GRID2: variants seen among roughly 807,000 people sequenced by gnomAD.
The protein encoded by GRID2 is glutamate receptor ionotropic, delta-2.
Under a neutral mutation model 114.8 loss-of-function variants are expected in GRID2, and 33 were observed. The ratio of observed to expected loss-of-function variants is 0.29; its 90% CI spans 0.22 to 0.38. GRID2 has a LOEUF of 0.38. Among genes scored for constraint, GRID2 ranks in the 10% least tolerant of loss-of-function variants. The probability of loss-of-function intolerance (pLI) is 1.00; values close to 1 mark genes in which losing one functional copy is unlikely to be tolerated. For synonymous variants in GRID2, 505 were observed against 449.9 expected, an observed-to-expected ratio of 1.12 and a Z score of -1.55; for missense variants, 1,184 against 1,257.7, an observed-to-expected ratio of 0.94 and a Z score of 0.89.
chr4:93,318,761 A>C (rs1440045413), intron 8 of GRID2: 6 of 152,192 alleles, frequency 3.9e-5, no homozygotes, highest in African/African-American at 1.2e-4. Flanking sequence ...TCTGTTGTCC[A>C]GGCTTATGCC....
At chr4:93,300,998 G>A (rs1352948514) in intron 8 of GRID2, among the ~76,000 whole-genome samples, 1 of 152,198 alleles carries the variant, frequency 6.6e-6, no homozygotes, top group African/African-American at 2.4e-5. Context: ...TAACTACTGG[G>A]TTTAGGCCAG....
intron 8 of GRID2, among the ~76,000 whole-genome samples, chr4:93,268,528 G>A (rs1751102890): frequency 6.6e-6 from 1 of 152,110 alleles, no homozygotes; most frequent in South Asian, 2.1e-4. Flanking sequence ...ATAAATTCAA[G>A]CCTTTATAGG....
chr4:93,272,500 G>A (rs1317378067), intron 8 of GRID2, among the ~76,000 whole-genome samples: 2 of 152,122 alleles, frequency 1.3e-5, no homozygotes, highest in African/African-American at 4.8e-5. Flanking sequence ...GGTAGGAGAT[G>A]ATGCTCTAGC....
At chr4:93,190,509 T>C (rs899698536) in intron 4 of GRID2, among the ~76,000 whole-genome samples, 2 of 152,148 alleles carry the variant, frequency 1.3e-5, no homozygotes, top group African/African-American at 4.8e-5. Flanking sequence ...AGCAAATATT[T>C]GAGGTGTTTC....
At chr4:93,156,336 T>G (rs368368149) in intron 4 of GRID2, among the ~76,000 whole-genome samples, 2 of 151,748 alleles carry the variant, frequency 1.3e-5, no homozygotes, top group African/African-American at 4.8e-5. Flanking sequence ...AGTAAAAGAT[T>G]TTGTTAGCAA....
rs183949201 is a variant in GRID2, at chr4:92,713,310, C to T, written c.244+123024C>T. On this transcript the variant is annotated intron_variant, in intron 2 of 15. Coordinates refer to ENST00000282020, the MANE Select transcript of GRID2 (RefSeq NM_001510.4). The stretch of plus-strand genomic sequence containing the variant: ...TAAGAGCTAAAATATTCTAACTTAC[C>T]GGAATATAGTAAACTTATGTTAGTA... 1.2e-3 allele frequency among the ~76,000 whole-genome samples: 176 copies of T among 150,456 alleles called. 1 individual carries two copies. Among genetic ancestry groups the T allele is most frequent in the Middle Eastern group, 3.5e-3 (1 of 288 alleles).
intron 2 of GRID2, among the ~76,000 whole-genome samples, chr4:92,944,632 C>A (rs1045808125): frequency 6.6e-6 from 1 of 152,228 alleles, no homozygotes; most frequent in Non-Finnish European, 1.5e-5. Flanking sequence ...AAGTAGAAAT[C>A]ACCTCTCTTG....
At chr4:92,921,444 G>T (rs943565427) in intron 2 of GRID2, among the ~76,000 whole-genome samples, 1 of 151,806 alleles carries the variant, frequency 6.6e-6, no homozygotes, top group Non-Finnish European at 1.5e-5. Context: ...AGAGTTTCCA[G>T]TTTTTCTGCT....
chr4:92,354,844 G>A (rs1263110973), intron 1 of GRID2, among the ~76,000 whole-genome samples: 1 of 151,894 alleles, frequency 6.6e-6, no homozygotes, highest in Non-Finnish European at 1.5e-5. Context: ...GAAATCTTAA[G>A]GGGACTTATA....
chr4:93,248,866 T>C (rs930282632), intron 8 of GRID2, among the ~76,000 whole-genome samples: 8 of 152,184 alleles, frequency 5.3e-5, no homozygotes, highest in African/African-American at 1.9e-4. Context: ...AGTAATTTTA[T>C]TTTCCTTCTT....
chr4:93,304,531 A>C (rs1427467545), intron 8 of GRID2, among the ~76,000 whole-genome samples: 1 of 152,086 alleles, frequency 6.6e-6, no homozygotes, highest in African/African-American at 2.4e-5. Flanking sequence ...AAGAATGAAA[A>C]AAACAATGTT....
At chr4:92,540,563 C>G (rs1182497954) in intron 1 of GRID2, among the ~76,000 whole-genome samples, 1 of 152,178 alleles carries the variant, frequency 6.6e-6, no homozygotes, top group African/African-American at 2.4e-5. Flanking sequence ...CACTGGCCAT[C>G]AGAGAAATGC....
At chr4:92,945,920 C>A (rs1431591465) in intron 2 of GRID2, among the ~76,000 whole-genome samples, 2 of 152,108 alleles carry the variant, frequency 1.3e-5, no homozygotes, top group Admixed American at 6.6e-5. Flanking sequence ...ATATTTCTGG[C>A]TGCAACTACT....
At chr4:93,117,355 A>T (rs1359149934) in intron 4 of GRID2, among the ~76,000 whole-genome samples, 2 of 152,092 alleles carry the variant, frequency 1.3e-5, no homozygotes, top group African/African-American at 4.8e-5. Context: ...CAAGGGATAA[A>T]TATCAGCTTT....
chr4:93,211,965 T>G (rs576076100), intron 5 of GRID2, among the ~76,000 whole-genome samples: 1 of 66,870 alleles, frequency 1.5e-5, no homozygotes, highest in Admixed American at 1.9e-4. Context: ...CCTCAGAAAA[T>G]GACTTACATT....
chr4:92,782,165 G>T (rs897088995), intron 2 of GRID2, among the ~76,000 whole-genome samples: 1 of 151,854 alleles, frequency 6.6e-6, no homozygotes, highest in Non-Finnish European at 1.5e-5. Flanking sequence ...GTCCTCAAAG[G>T]GCTGACAGTA....
chr4:92,320,804 C>T (rs1283455582), intron 1 of GRID2, among the ~76,000 whole-genome samples: 2 of 152,086 alleles, frequency 1.3e-5, no homozygotes, highest in African/African-American at 4.8e-5. Context: ...GAAAATATTT[C>T]TTTTTTCTTA....
intron 2 of GRID2, among the ~76,000 whole-genome samples, chr4:92,778,428 T>C (rs1738909939): frequency 1.3e-5 from 2 of 152,090 alleles, no homozygotes; most frequent in South Asian, 2.1e-4. Context: ...TCAATTTTAT[T>C]TTGCCCCATT....
intron 1 of GRID2, among the ~76,000 whole-genome samples, chr4:92,357,331 G>T (rs547993075): frequency 8.6e-5 from 13 of 151,930 alleles, no homozygotes; most frequent in African/African-American, 3.1e-4. Context: ...TAGAGTTTAA[G>T]TATACTAATA....
Sources: gnomAD v4.1 joint callset for allele counts (sites outside exome capture counted in the v4.1 genomes callset) on GRCh38, gnomAD v4.1.1 for gene constraint, MANE v1.5 for transcripts, NCBI Gene and HGNC (gene_info 2026-07-23, HGNC 2026-07-21) for gene names.